The following APBA2 variants were observed in gnomAD, a reference collection of about 807,000 sequenced individuals.
The protein encoded by APBA2 is amyloid-beta A4 precursor protein-binding family A member 2.
In APBA2, 30 loss-of-function variants were observed where a neutral mutation model predicts 75.0. The ratio of observed to expected loss-of-function variants is 0.40; its 90% CI spans 0.30 to 0.54. The LOEUF is 0.54. Among genes scored for constraint, APBA2 ranks in the 20% least tolerant of loss-of-function variants. APBA2 has a pLI of 0.49. For missense variants in APBA2, 801 were observed against 1,016.1 expected, an observed-to-expected ratio of 0.79 and a Z score of 2.88; for synonymous variants, 444 against 409.6, an observed-to-expected ratio of 1.08 and a Z score of -1.01.
chr15:29,037,041 T>C (rs2040787832), intron 3 of APBA2, among the ~76,000 whole-genome samples: 1 of 151,884 alleles, frequency 6.6e-6, no homozygotes, highest in South Asian at 2.1e-4. Context: ...AGAGAAAGTT[T>C]TGCATAAATA....
intron 6 of APBA2, among the ~76,000 whole-genome samples, chr15:29,087,095 G>A (rs933516888): frequency 1.3e-5 from 2 of 152,174 alleles, no homozygotes; most frequent in African/African-American, 4.8e-5. Flanking sequence ...CCACAGCTCT[G>A]TGCTGTTCAC....
At chr15:29,031,757 G>A (rs929007190) in intron 3 of APBA2, among the ~76,000 whole-genome samples, 9 of 152,260 alleles carry the variant, frequency 5.9e-5, no homozygotes, top group South Asian at 4.2e-4. Context: ...TTTTTACAGA[G>A]TGCTAATTGG....
chr15:29,070,167 G>A (rs1359440120), intron 4 of APBA2, among the ~76,000 whole-genome samples: 1 of 152,124 alleles, frequency 6.6e-6, no homozygotes, highest in Non-Finnish European at 1.5e-5. Flanking sequence ...AGTGGTGAGG[G>A]TTGTACAACA....
Position 29,074,924 on chromosome 15 carries a change from TGCAATGGTCTGGA to T in APBA2, c.959_971del (p.Asn320SerfsTer71). The T allele has an allele frequency of 6.2e-7, 1 of 1,614,114 alleles. No individual in the cohort carries two copies. The highest frequency in any genetic ancestry group is 8.5e-7 in the Non-Finnish European group (1 of 1,179,956). On this transcript the variant is annotated frameshift_variant, in exon 5 of 15. Transcript: ENST00000683413. LOFTEE classifies it high-confidence loss of function. ...TCTTTAACTTCCCCGTTTCCAGGTT[TGCAATGGTCTGGA>T]GCAGCCAAGGAAGCAGCAGCGCTCT... is the stretch of plus-strand genomic sequence containing the variant.
intron 6 of APBA2, among the ~76,000 whole-genome samples, chr15:29,083,191 C>G (rs920022021): frequency 4.6e-5 from 7 of 152,096 alleles, no homozygotes; most frequent in African/African-American, 1.7e-4. Context: ...GGAAAAGTTA[C>G]ATTTTAGGCA....
At chr15:29,021,400 C>T (rs1395489260) in intron 3 of APBA2, among the ~76,000 whole-genome samples, 7 of 151,984 alleles carry the variant, frequency 4.6e-5, no homozygotes, top group Admixed American at 1.3e-4. Context: ...TGGTGGCGCG[C>T]GCCTGTAGTG....
chr15:28,896,568 C>T (rs1439645084), intron 1 of APBA2, among the ~76,000 whole-genome samples: 3 of 152,202 alleles, frequency 2.0e-5, no homozygotes, highest in Non-Finnish European at 4.4e-5. Context: ...CATGAGCCAC[C>T]GCGCCTGGCC....
chr15:28,976,394 A>C (rs1249472150), intron 2 of APBA2, among the ~76,000 whole-genome samples: 1 of 152,174 alleles, frequency 6.6e-6, no homozygotes, highest in African/African-American at 2.4e-5. Context: ...TTATACTGCA[A>C]ATTCTTGTCT....
chr15:28,894,456 C>T (rs1273070671), intron 1 of APBA2, among the ~76,000 whole-genome samples: 2 of 152,106 alleles, frequency 1.3e-5, no homozygotes, highest in Non-Finnish European at 2.9e-5. Context: ...GTGAGAGCCC[C>T]ATGGTAGGTT....
chr15:29,101,819 A>G (rs772547647), intron 10 of APBA2, 35 bp downstream of exon 10: 1 of 1,603,066 alleles, frequency 6.2e-7, no homozygotes, highest in African/African-American at 1.3e-5. Context: ...TCCCCTCCCA[A>G]AGTTCACAGC....
chr15:28,929,866 C>A (rs1351130840), intron 2 of APBA2, among the ~76,000 whole-genome samples: 4 of 152,170 alleles, frequency 2.6e-5, no homozygotes, highest in African/African-American at 9.7e-5. Context: ...GTATTACTTT[C>A]CTAATTCCGT....
chr15:28,927,658 C>T (rs1027844857), intron 2 of APBA2, among the ~76,000 whole-genome samples: 2 of 151,300 alleles, frequency 1.3e-5, no homozygotes, highest in Non-Finnish European at 2.9e-5. Flanking sequence ...AACTTGTGAG[C>T]TCAGGTGATC....
intron 2 of APBA2, among the ~76,000 whole-genome samples, chr15:28,993,178 G>A (rs947425172): frequency 6.6e-6 from 1 of 152,128 alleles, no homozygotes; most frequent in Admixed American, 6.5e-5. Context: ...GCTCACTTAC[G>A]ACTCAGAGTC....
intron 2 of APBA2, among the ~76,000 whole-genome samples, chr15:28,926,921 A>C (rs557091195): frequency 7.1e-6 from 1 of 140,590 alleles, no homozygotes; most frequent in East Asian, 2.1e-4. Flanking sequence ...CAGTGGTGCT[A>C]TCTCGGCTCA....
At chr15:28,900,233 C>T (rs542853291) in intron 1 of APBA2, among the ~76,000 whole-genome samples, 1 of 152,322 alleles carries the variant, frequency 6.6e-6, no homozygotes, top group Admixed American at 6.5e-5. Flanking sequence ...CAGACCTGAA[C>T]AGCCTGGCAG....
chr15:29,086,865 C>G (rs1328830378), intron 6 of APBA2, among the ~76,000 whole-genome samples: 1 of 152,110 alleles, frequency 6.6e-6, no homozygotes, highest in East Asian at 1.9e-4. Context: ...GTATGAAATT[C>G]AAATAAACAA....
At chr15:29,086,388 C>T (rs2043293492) in intron 6 of APBA2, among the ~76,000 whole-genome samples, 1 of 152,224 alleles carries the variant, frequency 6.6e-6, no homozygotes, top group Admixed American at 6.5e-5. Context: ...TTGTTTTGAG[C>T]CACTAAATTC....
At chr15:29,092,441 C>T (rs2043622258) in intron 6 of APBA2, among the ~76,000 whole-genome samples, 1 of 152,158 alleles carries the variant, frequency 6.6e-6, no homozygotes, top group Non-Finnish European at 1.5e-5. Context: ...TGCCAGTGCT[C>T]AAAGCCACAT....
intron 2 of APBA2, among the ~76,000 whole-genome samples, chr15:28,951,718 G>A (rs993726027): frequency 2.0e-5 from 3 of 152,064 alleles, no homozygotes; most frequent in Admixed American, 2.0e-4. Context: ...CCTAGTAGCT[G>A]GGACTACAGG....
Sources: gnomAD v4.1 joint callset for allele counts (sites outside exome capture counted in the v4.1 genomes callset) on GRCh38, gnomAD v4.1.1 for gene constraint, MANE v1.5 for transcripts, NCBI Gene and HGNC (gene_info 2026-07-23, HGNC 2026-07-21) for gene names.